Variants in GPR137C observed in about 807,000 individuals in gnomAD.
GPR137C encodes the protein G protein-coupled receptor 137C, also known as integral membrane protein GPR137C.
A neutral mutation model predicts 43.4 loss-of-function variants in GPR137C; 27 were observed. The ratio of observed to expected loss-of-function variants is 0.62; its 90% CI spans 0.46 to 0.86. GPR137C has a LOEUF of 0.86. GPR137C is among the 40% of genes least tolerant of loss of function. GPR137C has a pLI of 0.00. For missense variants in GPR137C, 522 were observed against 534.6 expected, an observed-to-expected ratio of 0.98 and a Z score of 0.23; for synonymous variants, 285 against 226.9, an observed-to-expected ratio of 1.26 and a Z score of -2.30.
intron 1 of GPR137C, among the ~76,000 whole-genome samples, chr14:52,584,940 G>T (rs542208670): frequency 6.6e-6 from 1 of 152,158 alleles, no homozygotes; most frequent in Non-Finnish European, 1.5e-5. Flanking sequence ...TTTAAAATCA[G>T]AAAACCTTGC....
chr14:52,636,567 G>A lies in GPR137C; in HGVS notation c.*1452G>A, dbSNP rs180961278. On this transcript the variant is annotated 3_prime_UTR_variant, in exon 7 of 7. Coordinates refer to ENST00000321662, the MANE Select transcript of GPR137C (RefSeq NM_001099652.2). ...ACTTTGATTAGAATGTTATTTCCTCGCTTACTTAAAATGTACTTCAACTTT... is the reference window on the plus strand; with the variant it reads ...ACTTTGATTAGAATGTTATTTCCTCACTTACTTAAAATGTACTTCAACTTT... 31 of 152,074 alleles carry A rather than the reference G, an allele frequency of 2.0e-4. No homozygotes were observed. Among genetic ancestry groups the A allele is most frequent in the African/African-American group, 4.6e-4 (19 of 41,530 alleles). The allele number at this position is 152,074 out of a possible 1,614,324, so 9.4% of individuals were successfully genotyped here. A position where few individuals can be genotyped will look rare whatever the true frequency, so the allele number is the denominator to read the frequency against.
At chr14:52,591,286 A>G (rs2139507080) in intron 1 of GPR137C, among the ~76,000 whole-genome samples, 1 of 152,332 alleles carries the variant, frequency 6.6e-6, no homozygotes. Context: ...GTGCTGCAGT[A>G]AACATACATG....
chr14:52,565,321 A>G (rs1435135618), intron 1 of GPR137C, among the ~76,000 whole-genome samples: 2 of 152,172 alleles, frequency 1.3e-5, no homozygotes, highest in Non-Finnish European at 2.9e-5. Flanking sequence ...TAAAACAACT[A>G]AATATAATCC....
In GPR137C at chr14:52,553,582, C is replaced by T. The variant is rs756360872; in HGVS notation, c.435C>T (p.Tyr145=). The part of the protein sequence containing the change: ...QFSTLCLLNL[Y]LAEVICKVRC... ...CCACGCTCTGTCTCCTCAACCTCTA[C>T]CTGGCGGAGGTAAGGCGGGAGGGCC... is the stretch of plus-strand genomic sequence containing the variant. The change falls in exon 1 of 7, where the codon TAC becomes TAT. Residue 145 remains tyrosine, a synonymous_variant. Coordinates refer to ENST00000321662, the MANE Select transcript of GPR137C (RefSeq NM_001099652.2). 2.6e-6 allele frequency: 4 copies of T among 1,560,292 alleles called. No individual in the cohort carries two copies.
intron 3 of GPR137C, among the ~76,000 whole-genome samples, chr14:52,625,865 T>A (rs949487700): frequency 6.6e-6 from 1 of 152,046 alleles, no homozygotes; most frequent in African/African-American, 2.4e-5. Context: ...GAAGAACACT[T>A]GTTAGACCAG....
chr14:52,599,585 C>T (rs573595605), intron 2 of GPR137C, among the ~76,000 whole-genome samples: 94 of 152,096 alleles, frequency 6.2e-4, no homozygotes, highest in African/African-American at 2.2e-3. Context: ...AGGCGTGTGC[C>T]GCCATACCCA....
chr14:52,624,412 G>T (rs2039196760), intron 3 of GPR137C, among the ~76,000 whole-genome samples: 1 of 152,038 alleles, frequency 6.6e-6, no homozygotes, highest in Non-Finnish European at 1.5e-5. Context: ...GGTAGTGGGA[G>T]TGTGTGGAGT....
At chr14:52,579,282 C>G (rs948919052) in intron 1 of GPR137C, among the ~76,000 whole-genome samples, 5 of 152,084 alleles carry the variant, frequency 3.3e-5, no homozygotes, top group Non-Finnish European at 5.9e-5. Flanking sequence ...TGCTTTAGAC[C>G]AAAGGCTTTT....
intron 1 of GPR137C, among the ~76,000 whole-genome samples, chr14:52,575,074 TAAAA>T (rs1285570553): frequency 6.6e-6 from 1 of 152,210 alleles, no homozygotes; most frequent in Non-Finnish European, 1.5e-5. Context: ...TCCTTAAACT[TAAAA>T]AACTAAATTA....
intron 1 of GPR137C, among the ~76,000 whole-genome samples, chr14:52,557,267 C>T (rs1252155895): frequency 2.0e-5 from 3 of 152,074 alleles, no homozygotes; most frequent in African/African-American, 4.8e-5. Context: ...AAATAGTTAT[C>T]TAAAATATGG....
chr14:52,612,204 C>G, intron 3 of GPR137C: 2 of 983,176 alleles, frequency 2.0e-6, no homozygotes, highest in Non-Finnish European at 2.4e-6. Flanking sequence ...TCTAAACAGC[C>G]GTAGTGTCAC....
intron 1 of GPR137C, among the ~76,000 whole-genome samples, chr14:52,563,730 A>G (rs1379205892): frequency 6.6e-6 from 1 of 152,208 alleles, no homozygotes; most frequent in Non-Finnish European, 1.5e-5. Flanking sequence ...TATATAATTC[A>G]GAAACGTGAG....
At chr14:52,554,810 TCA>T (rs2038168427) in intron 1 of GPR137C, among the ~76,000 whole-genome samples, 2 of 152,130 alleles carry the variant, frequency 1.3e-5, no homozygotes, top group Non-Finnish European at 2.9e-5. Flanking sequence ...AATTTTATAA[TCA>T]GTCATAATGT....
intron 1 of GPR137C, among the ~76,000 whole-genome samples, chr14:52,554,495 A>G (rs1037374290): frequency 1.3e-5 from 2 of 152,158 alleles, no homozygotes; most frequent in African/African-American, 2.4e-5. Flanking sequence ...AAGGTTGTCA[A>G]TCATGTGTGT....
intron 2 of GPR137C, 63 bp from the exon 3 acceptor site, chr14:52,600,050 T>C: frequency 9.4e-7 from 1 of 1,066,048 alleles, no homozygotes; most frequent in Non-Finnish European, 1.4e-6. Context: ...AACACACTAA[T>C]GCAGAATTAA....
At chr14:52,627,527 G>A (rs1026227394) in intron 3 of GPR137C, among the ~76,000 whole-genome samples, 15 of 152,096 alleles carry the variant, frequency 9.9e-5, no homozygotes, top group Non-Finnish European at 1.5e-4. Context: ...AAATTTGCAC[G>A]ACAATGCAGA....
At chr14:52,602,918 T>C in intron 3 of GPR137C, among the ~76,000 whole-genome samples, 1 of 152,198 alleles carries the variant, frequency 6.6e-6, no homozygotes, top group East Asian at 1.9e-4. Context: ...ATCAGGGTAA[T>C]TGGGATATCA....
intron 3 of GPR137C, among the ~76,000 whole-genome samples, chr14:52,628,781 G>A (rs2039260405): frequency 6.6e-6 from 1 of 152,178 alleles, no homozygotes; most frequent in African/African-American, 2.4e-5. Context: ...GGATGACAGA[G>A]GGAGACTGTC....
chr14:52,562,322 A>G (rs997617028), intron 1 of GPR137C, among the ~76,000 whole-genome samples: 2 of 152,216 alleles, frequency 1.3e-5, no homozygotes, highest in African/African-American at 4.8e-5. Flanking sequence ...TCATAGAATT[A>G]CTGTGAAAAT....
Sources: gnomAD v4.1 joint callset for allele counts (sites outside exome capture counted in the v4.1 genomes callset) on GRCh38, gnomAD v4.1.1 for gene constraint, MANE v1.5 for transcripts, NCBI Gene and HGNC (gene_info 2026-07-23, HGNC 2026-07-21) for gene names.